The following TBX15 variants were observed in gnomAD, a reference collection of about 807,000 sequenced individuals.
TBX15 encodes T-box transcription factor 15, also known as T-box transcription factor TBX15.
In TBX15, 18 loss-of-function variants were observed where a neutral mutation model predicts 53.9. That is an observed-to-expected ratio of 0.33 (90% CI 0.23 to 0.49). The LOEUF (loss-of-function observed/expected upper bound fraction) is 0.49. Ranked by LOEUF, TBX15 falls within the 20% of genes least tolerant of loss-of-function variation. The probability of loss-of-function intolerance (pLI) is 0.98; values close to 1 mark genes in which losing one functional copy is unlikely to be tolerated. For missense variants in TBX15, 692 were observed against 749.5 expected, an observed-to-expected ratio of 0.92 and a Z score of 0.90; for synonymous variants, 295 against 278.0, an observed-to-expected ratio of 1.06 and a Z score of -0.61.
Position 118,883,158 on chromosome 1 carries a change from C to A in TBX15, c.*1574G>T. ...TTTTCTTCATACATATTTTACATAC[C>A]CTTTTATTGCCCCCTTTTTCATATT... On this transcript the variant is annotated 3_prime_UTR_variant, in exon 8 of 8. Coordinates refer to ENST00000369429, the MANE Select transcript of TBX15 (RefSeq NM_001330677.2). The A allele has an allele frequency of 6.6e-6, 1 of 152,518 alleles. No homozygotes were observed. Among genetic ancestry groups the A allele is most frequent in the East Asian group, 1.9e-4 (1 of 5,196 alleles). The allele number at this position is 152,518 out of a possible 1,614,324, so 9.4% of individuals were successfully genotyped here.
intron 7 of TBX15, among the ~76,000 whole-genome samples, chr1:118,889,986 G>A (rs1331372584): frequency 6.6e-6 from 1 of 152,146 alleles, no homozygotes; most frequent in East Asian, 1.9e-4. Flanking sequence ...GTGAAGGAAG[G>A]AGAAAGGAAC....
intron 7 of TBX15, among the ~76,000 whole-genome samples, chr1:118,897,390 A>G (rs966917948): frequency 1.3e-5 from 2 of 152,162 alleles, no homozygotes; most frequent in East Asian, 3.9e-4. Context: ...AATTGTTGCC[A>G]TTAATGCCTG....
intron 1 of TBX15, among the ~76,000 whole-genome samples, chr1:118,976,458 G>A (rs1051161167): frequency 2.6e-5 from 4 of 152,122 alleles, no homozygotes; most frequent in Non-Finnish European, 4.4e-5. Context: ...TTTCCTATCC[G>A]GTAAAGTCTG....
intron 2 of TBX15, among the ~76,000 whole-genome samples, 173 bp from the exon 3 acceptor site, chr1:118,926,784 C>T (rs1414386801): frequency 6.6e-6 from 1 of 152,122 alleles, no homozygotes; most frequent in Non-Finnish European, 1.5e-5. Context: ...TGGCTCACTG[C>T]CACCTCCACC....
At chr1:118,948,615 C>T (rs1217003032) in intron 1 of TBX15, among the ~76,000 whole-genome samples, 2 of 152,188 alleles carry the variant, frequency 1.3e-5, no homozygotes, top group African/African-American at 4.8e-5. Flanking sequence ...TTTGCCTTTA[C>T]CCCACAGAGT....
intron 1 of TBX15, among the ~76,000 whole-genome samples, chr1:118,952,279 G>T (rs1656540315): frequency 6.6e-6 from 1 of 152,062 alleles, no homozygotes; most frequent in South Asian, 2.1e-4. Context: ...TACTGGTAAG[G>T]CTTCCAGTCA....
intron 6 of TBX15, among the ~76,000 whole-genome samples, chr1:118,908,143 C>A (rs1654899080): frequency 6.6e-6 from 1 of 152,160 alleles, no homozygotes; most frequent in Non-Finnish European, 1.5e-5. Flanking sequence ...CCTGATTTCC[C>A]CCTGGCTGGG....
intron 1 of TBX15, among the ~76,000 whole-genome samples, chr1:118,951,261 T>C (rs538479810): frequency 8.6e-5 from 13 of 152,014 alleles, no homozygotes; most frequent in African/African-American, 2.4e-4. Context: ...GAGAAAGGAG[T>C]TTACCTCCCA....
chr1:118,906,318 G>T (rs1766784), intron 6 of TBX15, among the ~76,000 whole-genome samples: 6,293 of 152,142 alleles, frequency 0.041, 185 homozygotes, highest in African/African-American at 0.08. Flanking sequence ...AAATTTTAAC[G>T]GAGATCCTCT....
chr1:118,931,794 T>A lies in TBX15; in HGVS notation c.244A>T (p.Thr82Ser), dbSNP rs1410221634. The A allele has an allele frequency of 1.2e-6, 2 of 1,600,226 alleles. No individual in the cohort carries two copies. Among genetic ancestry groups the A allele is most frequent in the Admixed American group, 1.7e-5 (1 of 57,618 alleles). The change falls in exon 2 of 8, where the codon ACT (threonine) becomes TCT (serine). Residue 82 changes from threonine (T) to serine (S), a missense_variant. Transcript: ENST00000369429. ...QSTGSDSEVL[T>S]ERTSCSFSTH... ...CTGAAGGAGCAGGAAGTCCGCTCAG[T>A]GAGGACCTCAGAATCTGAACCAGTG...
chr1:118,936,382 TAAC>T (rs1299047973), intron 1 of TBX15, among the ~76,000 whole-genome samples: 1 of 152,190 alleles, frequency 6.6e-6, no homozygotes, highest in Non-Finnish European at 1.5e-5. Context: ...CATCTCCACT[TAAC>T]AGTTAATTTT....
intron 1 of TBX15, among the ~76,000 whole-genome samples, chr1:118,954,498 C>T (rs1656615012): frequency 6.6e-6 from 1 of 152,140 alleles, no homozygotes; most frequent in African/African-American, 2.4e-5. Context: ...AAAAGCCCTA[C>T]AACAGGATCA....
intron 7 of TBX15, chr1:118,891,005 G>T: frequency 8.5e-7 from 1 of 1,171,460 alleles, no homozygotes; most frequent in Non-Finnish European, 1.1e-6. Flanking sequence ...GCACCCTATA[G>T]ACTGATCCCA....
Position 118,987,999 on chromosome 1 carries a change from G to A in TBX15, c.-204C>T, listed in dbSNP as rs1029665937. 9 of 658,990 alleles carry A rather than the reference G, an allele frequency of 1.4e-5. No homozygotes were observed. The highest frequency in any genetic ancestry group is 9.2e-5 in the African/African-American group (5 of 54,138). The allele number at this position is 658,990 out of a possible 1,614,324, so 40.8% of individuals were successfully genotyped here. A position where few individuals can be genotyped will look rare whatever the true frequency, so the allele number is the denominator to read the frequency against. The stretch of plus-strand genomic sequence containing the variant: ...TGCCGGATCCGACCTGCGCCCCTAC[G>A]CTGGCCCAGCTGCTAGGAACTAGCG... On this transcript the variant is annotated 5_prime_UTR_variant, in exon 1 of 8. Transcript: ENST00000369429.
chr1:118,975,990 C>A (rs760455740), intron 1 of TBX15, among the ~76,000 whole-genome samples: 1 of 152,214 alleles, frequency 6.6e-6, no homozygotes, highest in Non-Finnish European at 1.5e-5. Context: ...GAAAGGATCT[C>A]TTCTCTGTTC....
chr1:118,982,443 A>C (rs533711513), intron 1 of TBX15, among the ~76,000 whole-genome samples: 2 of 152,324 alleles, frequency 1.3e-5, no homozygotes, highest in South Asian at 4.1e-4. Flanking sequence ...GGACTGGATG[A>C]ACACAATGTT....
Position 118,893,916 on chromosome 1 carries a change from G to A in TBX15, c.1024+5112C>T, listed in dbSNP as rs571406032. On this transcript the variant is annotated intron_variant, in intron 7 of 7. Coordinates refer to ENST00000369429, the MANE Select transcript of TBX15 (RefSeq NM_001330677.2). ...TTTGGATCCAGGGATTTAATCATGC[G>A]GGAAAAAAATAGTGAGAAAAATGTG... Among the ~76,000 whole-genome samples, 33 of 152,096 alleles carry A rather than the reference G, an allele frequency of 2.2e-4. 4 individuals are homozygous for A. Among genetic ancestry groups the A allele is most frequent in the African/African-American group, 7.2e-4 (30 of 41,482 alleles).
chr1:118,948,441 A>G (rs1303345680), intron 1 of TBX15, among the ~76,000 whole-genome samples: 1 of 152,168 alleles, frequency 6.6e-6, no homozygotes, highest in African/African-American at 2.4e-5. Context: ...TGGGATTCTG[A>G]GACCACCAGC....
intron 1 of TBX15, among the ~76,000 whole-genome samples, chr1:118,954,595 T>C (rs964416130): frequency 2.0e-5 from 3 of 152,234 alleles, no homozygotes; most frequent in African/African-American, 7.2e-5. Flanking sequence ...TAAAGTTCAC[T>C]ATGCTCCAAC....
Sources: allele counts gnomAD v4.1 joint callset (sites outside exome capture counted in the v4.1 genomes callset), GRCh38; gene constraint gnomAD v4.1.1; transcripts MANE v1.5; gene names NCBI Gene and HGNC (gene_info 2026-07-23, HGNC 2026-07-21).